MUC6: variants seen among roughly 807,000 people sequenced by gnomAD.
MUC6 encodes the protein mucin 6, oligomeric mucus/gel-forming (gene/pseudogene), also known as mucin-6.
Under a neutral mutation model 201.5 loss-of-function variants are expected in MUC6, and 188 were observed. The observed-to-expected ratio is 0.93, with a 90% CI of 0.83 to 1.05. The LOEUF (loss-of-function observed/expected upper bound fraction) is 1.05, where lower values mean the gene tolerates loss of function less well. Ranked by LOEUF, MUC6 falls within the 50% of genes least tolerant of loss-of-function variation. The pLI is 0.00. For synonymous variants in MUC6, 1,228 were observed against 1,389.4 expected, an observed-to-expected ratio of 0.88 and a Z score of 2.58; for missense variants, 2,706 against 3,256.9, an observed-to-expected ratio of 0.83 and a Z score of 4.12.
At chr11:1,020,026 C>G in intron 29 of MUC6, 64 bp downstream of exon 29, 1 of 1,560,660 alleles carries the variant, frequency 6.4e-7, no homozygotes, top group Non-Finnish European at 8.7e-7. Flanking sequence ...TAAGCCCACC[C>G]CAGAGGTGTA....
chr11:1,030,913 TG>T, intron 6 of MUC6, 33 bp downstream of exon 6: 1 of 1,546,130 alleles, frequency 6.5e-7, no homozygotes, highest in Non-Finnish European at 8.7e-7. Context: ...CTGTCAGACC[TG>T]GGGTCAGCCC....
At position 1,028,020 on chromosome 11, in the gene MUC6, G is replaced by A. The variant is rs1857006911; in HGVS notation, c.1793C>T (p.Thr598Ile). Residue 598 changes from threonine to isoleucine, a missense_variant, in exon 15 of 33, where the codon ACA becomes ATA. Around this residue, in one of 10 missense-constraint regions of MUC6, gnomAD observed 1,850 missense variants for 1,958.3 expected, o/e 0.94. Coordinates refer to ENST00000421673, the MANE Select transcript of MUC6 (RefSeq NM_005961.3). Reference sequence around the variant, plus strand: ...GTGGCACCTCTCGAACACCGTGCCTGTCCTCAGCAGCATGGAGCAGTGGGT... The same window carrying A: ...GTGGCACCTCTCGAACACCGTGCCTATCCTCAGCAGCATGGAGCAGTGGGT... ...AETHCSMLLRTGTVFERCHAT... is the reference protein window; with the variant it reads ...AETHCSMLLRIGTVFERCHAT... The A allele has an allele frequency of 6.3e-7, 1 of 1,585,676 alleles. No homozygotes were observed. Among genetic ancestry groups the A allele is most frequent in the Non-Finnish European group, 8.6e-7 (1 of 1,166,422 alleles).
chr11:1,032,645 CTG>C (rs780270536), intron 2 of MUC6, among the ~76,000 whole-genome samples: 3 of 144,908 alleles, frequency 2.1e-5, no homozygotes, highest in Non-Finnish European at 4.5e-5. Context: ...GTTTGCATGT[CTG>C]GGATGTGTGT....
At chr11:1,023,721 C>T in intron 25 of MUC6, 69 bp from the exon 26 acceptor site, 3 of 1,583,154 alleles carry the variant, frequency 1.9e-6, no homozygotes, top group East Asian at 4.5e-5. Flanking sequence ...CGGTGGTTCC[C>T]CTGGGCATGC....
chr11:1,021,206 T>C lies in MUC6; in HGVS notation c.3589+9A>G. ...GGGCAGGGTTCTCAGGGCAGCCGAC[T>C]GGACTTACTGCAGGGCACGCACACC... On this transcript the variant is annotated intron_variant, in intron 27 of 32. Transcript: ENST00000421673. 6.4e-7 allele frequency: 1 copy of C among 1,572,836 alleles called. No individual in the cohort carries two copies. The highest frequency in any genetic ancestry group is 1.2e-5 in the South Asian group (1 of 84,130).
chr11:1,030,366 T>TCCCCCCCCC, intron 7 of MUC6, 31 bp from the exon 8 acceptor site: 14 of 1,489,516 alleles, frequency 9.4e-6, no homozygotes, highest in South Asian at 2.4e-5. Context: ...GGTGAGAGGG[T>TCCCCCCCCC]CCCACCCCCC....
At position 1,025,214 on chromosome 11, in the gene MUC6, T is replaced by C; in HGVS notation, c.2953A>G (p.Thr985Ala). The C allele has an allele frequency of 6.2e-7, 1 of 1,612,698 alleles. No homozygotes were observed. Among genetic ancestry groups the C allele is most frequent in the Non-Finnish European group, 8.5e-7 (1 of 1,179,770 alleles). ...GCACGGGCGATCCTGATGAGGATGG[T>C]CATGTGCCTGTTCCAGATGAGCGTC... ...NLTLIWNRHM[T>A]ILIRIARASQ... The change falls in exon 23 of 33, where the codon ACC becomes GCC. Residue 985 changes from threonine to alanine, a missense_variant. Coordinates refer to ENST00000421673, the MANE Select transcript of MUC6 (RefSeq NM_005961.3).
intron 28 of MUC6, 59 bp from the exon 29 acceptor site, chr11:1,020,316 C>A: frequency 6.5e-7 from 1 of 1,533,128 alleles, no homozygotes; most frequent in East Asian, 2.3e-5. Flanking sequence ...TGGGGAGCAC[C>A]CTCCCCTCTG....
Position 1,016,420 on chromosome 11 carries a change from C to G in MUC6, c.6381G>C (p.Leu2127=). Residue 2127 remains leucine (L), a synonymous_variant, in exon 31 of 33, where the codon CTG becomes CTC. Coordinates refer to ENST00000421673, the MANE Select transcript of MUC6 (RefSeq NM_005961.3). The part of the protein sequence containing the change: ...ATTPVSTTNQ[L]SSSFSPSPSA... ...AAGGACTGGGAGAAAATGAGGAGGA[C>G]AGCTGATTAGTTGTGGAAACAGGAG... The G allele has an allele frequency of 6.2e-7, 1 of 1,613,708 alleles. No homozygotes were observed. Among genetic ancestry groups the G allele is most frequent in the South Asian group, 1.1e-5 (1 of 91,072 alleles).
At chr11:1,036,452 C>T (rs948865463) in intron 1 of MUC6, among the ~76,000 whole-genome samples, 152 bp downstream of exon 1, 7 of 152,252 alleles carry the variant, frequency 4.6e-5, no homozygotes, top group Non-Finnish European at 7.4e-5. Context: ...GGCCTGGCAG[C>T]GGGGGCTGGT....
At position 1,027,799 on chromosome 11, in the gene MUC6, A is replaced by G; in HGVS notation, c.1867T>C (p.Cys623Arg). The change falls in exon 16 of 33, where the codon TGC (cysteine) becomes CGC (arginine). Residue 623 changes from cysteine to arginine, a missense_variant. Physicochemically the swap from Cys to Arg is radical, Grantham distance 180. Coordinates refer to ENST00000421673, the MANE Select transcript of MUC6 (RefSeq NM_005961.3). ...PFYKRCVYQA[C>R]NYEETFPHIC... ...TGGGGAAAGGTCTCCTCGTAGTTGC[A>G]GGCCTGGTACACGCACCTCTGCGGG... 6.2e-7 allele frequency: 1 copy of G among 1,610,980 alleles called. No individual in the cohort carries two copies. Among genetic ancestry groups the G allele is most frequent in the Non-Finnish European group, 8.5e-7 (1 of 1,179,456 alleles).
Position 1,018,676 on chromosome 11 carries a change from T to C in MUC6, c.4125A>G (p.Pro1375=). The change falls in exon 31 of 33, where the codon CCA becomes CCG. Residue 1375 remains proline, a synonymous_variant. Transcript: ENST00000421673. ...TPASTTGPTT[P]QPGQPTRPTA... is the part of the protein sequence containing the mutation. ...TGGGCCTCGTGGGTTGTCCTGGCTG[T>C]GGGGTGGTTGGGCCTGTGGTGCTTG... 1 of 1,612,788 alleles carries C rather than the reference T, an allele frequency of 6.2e-7. No homozygotes were observed.
rs115130126 is a variant in MUC6 at position 1,013,762 on chromosome 11, C to T, written c.7143-129G>A. The T allele has an allele frequency of 3.9e-3, 5,465 of 1,384,940 alleles. 195 individuals carry two copies. The African/African-American group carries it at 0.068, about 17-fold the overall frequency. The allele number at this position is 1,384,940 out of a possible 1,614,324, so 85.8% of individuals were successfully genotyped here. A position where few individuals can be genotyped will look rare whatever the true frequency, so the allele number is the denominator to read the frequency against. ...AGCTCCCGGCTCACAGGGGCCAGGG[C>T]GGTGTTGGGCAGATGGAGCGCAGAG... On this transcript the variant is annotated intron_variant, in intron 32 of 32. Transcript: ENST00000421673.
In MUC6 at chr11:1,031,087, G is replaced by C. The variant is rs201187043; in HGVS notation, c.575-31C>G. The C allele has an allele frequency of 4.3e-5, 67 of 1,546,848 alleles. No homozygotes were observed. In the African/African-American group the frequency reaches 8.8e-4, roughly 20 times the overall value. On this transcript the variant is annotated intron_variant, in intron 5 of 32. Transcript: ENST00000421673. The stretch of plus-strand genomic sequence containing the variant: ...GTGCAGAATGGGGGTCAGCACCGTG[G>C]GGGCTGGGCCTCAGAGGCCCCCCTG...
At chr11:1,013,680 A>T in intron 32 of MUC6, 47 bp from the exon 33 acceptor site, 1 of 1,522,436 alleles carries the variant, frequency 6.6e-7, no homozygotes, top group East Asian at 2.5e-5. Flanking sequence ...CTGCAGGGGC[A>T]TAAGGCCCCT....
In MUC6 at chr11:1,033,167, C is replaced by T. The variant is rs1857149695; in HGVS notation, c.53-92G>A. 3 of 1,274,100 alleles carry T rather than the reference C, an allele frequency of 2.4e-6. No homozygotes were observed. Among genetic ancestry groups the T allele is most frequent in the African/African-American group, 1.5e-5 (1 of 67,932 alleles). The allele number at this position is 1,274,100 out of a possible 1,614,324, so 78.9% of individuals were successfully genotyped here. Reference sequence around the variant, plus strand: ...TGCTCAGGGCTGCTCCGCCCGTTTCCCTGCACACACTCGGCGTGCGAGAAG... The same window carrying T: ...TGCTCAGGGCTGCTCCGCCCGTTTCTCTGCACACACTCGGCGTGCGAGAAG... On this transcript the variant is annotated intron_variant, in intron 1 of 32. Coordinates refer to ENST00000421673, the MANE Select transcript of MUC6 (RefSeq NM_005961.3). This position sits in a 1 kb window ranked among gnomAD's most constrained non-coding sequence, Gnocchi z 5.6.
rs759975542 is a variant in MUC6, at chr11:1,020,196, G to A, written c.3702C>T (p.Ser1234=). 1.9e-5 allele frequency: 30 copies of A among 1,611,986 alleles called. No individual in the cohort carries two copies. Among genetic ancestry groups the A allele is most frequent in the Admixed American group, 3.3e-5 (2 of 59,896 alleles). Reference sequence around the variant, plus strand: ...TAGAGCTGGGTGAGGGTCCGGTGGAGCTGAGAAGCCCGATGGTGGTGGAGG... The same window carrying A: ...TAGAGCTGGGTGAGGGTCCGGTGGAACTGAGAAGCCCGATGGTGGTGGAGG... The part of the protein sequence containing the change: ...TGTSTTIGLL[S]STGPSPSSNH... The change falls in exon 29 of 33, where the codon AGC becomes AGT. Residue 1234 remains serine (S), a synonymous_variant. Coordinates refer to ENST00000421673, the MANE Select transcript of MUC6 (RefSeq NM_005961.3).
chr11:1,032,316 C>T (rs1351472010), intron 2 of MUC6, among the ~76,000 whole-genome samples: 3 of 151,966 alleles, frequency 2.0e-5, no homozygotes, highest in Admixed American at 6.5e-5. Flanking sequence ...CACGTATGTG[C>T]GTGTCTCGGG....
At chr11:1,035,421 G>T (rs1433513640) in intron 1 of MUC6, among the ~76,000 whole-genome samples, 2 of 152,320 alleles carry the variant, frequency 1.3e-5, no homozygotes, top group African/African-American at 4.8e-5. Context: ...AGGGGCTGGG[G>T]TCCCAAGCAG....
Sources: gnomAD v4.1 joint callset for allele counts (sites outside exome capture counted in the v4.1 genomes callset) on GRCh38, gnomAD v4.1.1 for gene constraint, gnomAD v4.1.1 regional missense constraint, Gnocchi (gnomAD v3.1) non-coding constraint, MANE v1.5 for transcripts, NCBI Gene and HGNC (gene_info 2026-07-23, HGNC 2026-07-21) for gene names.